Variants in PPP2R2A observed in about 807,000 individuals in gnomAD.
PPP2R2A encodes the protein protein phosphatase 2 regulatory subunit Balpha.
Under a neutral mutation model 53.2 loss-of-function variants are expected in PPP2R2A, and 9 were observed. The observed-to-expected ratio is 0.17, with a 90% CI of 0.10 to 0.30. The LOEUF (loss-of-function observed/expected upper bound fraction) is 0.30, where lower values mean the gene tolerates loss of function less well. Ranked by LOEUF, PPP2R2A falls within the 10% of genes least tolerant of loss-of-function variation. The pLI, the probability that PPP2R2A is intolerant of heterozygous loss-of-function variation, is 1.00. For synonymous variants in PPP2R2A, 169 were observed against 174.2 expected (o/e 0.97, Z 0.23); for missense variants, 235 against 534.6 (o/e 0.44, Z 5.53).
intron 2 of PPP2R2A, among the ~76,000 whole-genome samples, chr8:26,299,379 A>G (rs1330764702): frequency 2.0e-5 from 3 of 152,138 alleles, no homozygotes; most frequent in African/African-American, 7.2e-5. Flanking sequence ...TTAATAATGA[A>G]CCTCATCTGC....
chr8:26,320,031 G>T (rs1802756936), intron 2 of PPP2R2A, among the ~76,000 whole-genome samples: 1 of 152,126 alleles, frequency 6.6e-6, no homozygotes, highest in Admixed American at 6.5e-5. Context: ...CAAGGTAAGT[G>T]ATTTTATTCC....
chr8:26,314,857 C>CT (rs1459025147), intron 2 of PPP2R2A, among the ~76,000 whole-genome samples: 1 of 137,882 alleles, frequency 7.3e-6, no homozygotes, highest in African/African-American at 2.8e-5. Context: ...GGATCTTGGA[C>CT]TTTTTGTACT....
intron 2 of PPP2R2A, among the ~76,000 whole-genome samples, chr8:26,303,610 A>T (rs1323831158): frequency 6.6e-6 from 1 of 152,194 alleles, no homozygotes; most frequent in African/African-American, 2.4e-5. Context: ...TATTTTAAAT[A>T]GTTAAATTTC....
chr8:26,337,812 C>G (rs1803743800), intron 2 of PPP2R2A, among the ~76,000 whole-genome samples: 1 of 152,012 alleles, frequency 6.6e-6, no homozygotes, highest in African/African-American at 2.4e-5. Flanking sequence ...TGAAAGAGTT[C>G]AAAAAGATTA....
intron 3 of PPP2R2A, among the ~76,000 whole-genome samples, chr8:26,345,238 G>T (rs1421625374): frequency 6.6e-6 from 1 of 151,860 alleles, no homozygotes; most frequent in Non-Finnish European, 1.5e-5. Flanking sequence ...CAGTAATTTT[G>T]GAATTAATTA....
chr8:26,341,451 T>A (rs969427597), intron 3 of PPP2R2A, among the ~76,000 whole-genome samples: 1 of 152,216 alleles, frequency 6.6e-6, no homozygotes, highest in Non-Finnish European at 1.5e-5. Flanking sequence ...TGAATGAGAT[T>A]TTATGAATTC....
At chr8:26,327,528 C>T (rs1254127282) in intron 2 of PPP2R2A, among the ~76,000 whole-genome samples, 1 of 152,124 alleles carries the variant, frequency 6.6e-6, no homozygotes, top group Non-Finnish European at 1.5e-5. Flanking sequence ...TTCTTAAATC[C>T]TGAATATCAC....
intron 2 of PPP2R2A, among the ~76,000 whole-genome samples, chr8:26,330,142 T>G (rs1803292853): frequency 6.6e-6 from 1 of 152,194 alleles, no homozygotes; most frequent in South Asian, 2.1e-4. Context: ...TTTGTTTTGA[T>G]TATAGGGTAG....
chr8:26,359,013 C>G (rs1804939902), intron 4 of PPP2R2A: 4 of 450,020 alleles, frequency 8.9e-6, no homozygotes, highest in South Asian at 4.7e-5. Context: ...ACCAAATGAC[C>G]CAAGTTAACG....
chr8:26,313,336 A>C (rs1025681600), intron 2 of PPP2R2A, among the ~76,000 whole-genome samples: 20 of 151,906 alleles, frequency 1.3e-4, no homozygotes, highest in Admixed American at 1.3e-3. Flanking sequence ...TGCCTGGCCT[A>C]TTTTCATATT....
At chr8:26,318,624 A>T (rs908856996) in intron 2 of PPP2R2A, among the ~76,000 whole-genome samples, 3 of 152,216 alleles carry the variant, frequency 2.0e-5, no homozygotes, top group African/African-American at 7.2e-5. Context: ...GTTTATACTG[A>T]TACCTCCAAT....
In PPP2R2A at chr8:26,371,362, T is replaced by G. The variant is rs1022277577; in HGVS notation, c.*949T>G. 2 of 151,604 alleles carry G rather than the reference T, an allele frequency of 1.3e-5. No individual in the cohort carries two copies. Among genetic ancestry groups the G allele is most frequent in the Admixed American group, 6.6e-5 (1 of 15,248 alleles). The allele number at this position is 151,604 out of a possible 1,614,324, so 9.4% of individuals were successfully genotyped here. On this transcript the variant is annotated 3_prime_UTR_variant, in exon 10 of 10. Coordinates refer to ENST00000380737, the MANE Select transcript of PPP2R2A (RefSeq NM_002717.4). ...AATCTATAAATGCTACTAGTTTTTT[T>G]TTTTTTTTTTACCATCATGAGGGTA... is the stretch of plus-strand genomic sequence containing the variant.
intron 2 of PPP2R2A, among the ~76,000 whole-genome samples, chr8:26,297,130 G>C (rs1801578408): frequency 6.6e-6 from 1 of 152,146 alleles, no homozygotes; most frequent in East Asian, 1.9e-4. Context: ...GTGTGTGTGT[G>C]TGAGACAGAG....
At chr8:26,368,742 G>T (rs1246483639) in intron 9 of PPP2R2A, among the ~76,000 whole-genome samples, 1 of 152,110 alleles carries the variant, frequency 6.6e-6, no homozygotes, top group African/African-American at 2.4e-5. Context: ...TTGAGGTTGT[G>T]GTTGCAGTGA....
At chr8:26,366,880 C>T (rs1439942410) in intron 9 of PPP2R2A, among the ~76,000 whole-genome samples, 1 of 152,004 alleles carries the variant, frequency 6.6e-6, no homozygotes. Context: ...TAGTAGTTAT[C>T]CTTTGCTTTT....
chr8:26,319,319 A>G (rs1802716629), intron 2 of PPP2R2A, among the ~76,000 whole-genome samples: 1 of 152,138 alleles, frequency 6.6e-6, no homozygotes, highest in Non-Finnish European at 1.5e-5. Context: ...TTTTTGGTAT[A>G]TACCTAAGAA....
At chr8:26,332,379 AAG>A (rs1554512650) in intron 2 of PPP2R2A, among the ~76,000 whole-genome samples, 17 of 150,896 alleles carry the variant, frequency 1.1e-4, no homozygotes, top group African/African-American at 2.7e-4. Flanking sequence ...AAAAAAAAAA[AAG>A]AAGAAGATAC....
chr8:26,357,919 A>G (rs943882577), intron 4 of PPP2R2A, among the ~76,000 whole-genome samples: 2 of 152,286 alleles, frequency 1.3e-5, no homozygotes, highest in Non-Finnish European at 2.9e-5. Context: ...ATAATCTCAC[A>G]TACAGTTTTA....
At chr8:26,342,223 G>A (rs186751600) in intron 3 of PPP2R2A, among the ~76,000 whole-genome samples, 112 of 152,322 alleles carry the variant, frequency 7.4e-4, no homozygotes, top group African/African-American at 2.2e-3. Flanking sequence ...CAGCCATCAT[G>A]TGATCAGTGA....
Sources: gnomAD v4.1 joint callset for allele counts (sites outside exome capture counted in the v4.1 genomes callset) on GRCh38, gnomAD v4.1.1 for gene constraint, MANE v1.5 for transcripts, NCBI Gene and HGNC (gene_info 2026-07-23, HGNC 2026-07-21) for gene names.